The following TEKT5 variants were observed in gnomAD, a reference collection of about 807,000 sequenced individuals.
The protein encoded by TEKT5 is tektin-5.
In TEKT5, 52 loss-of-function variants were observed where a neutral mutation model predicts 48.7. The ratio of observed to expected loss-of-function variants is 1.07; its 90% CI spans 0.86 to 1.35. The LOEUF (loss-of-function observed/expected upper bound fraction) is 1.35, where lower values mean the gene tolerates loss of function less well. Ranked by LOEUF, TEKT5 falls within the 40% of genes most tolerant of loss-of-function variation. The pLI is 0.00. For missense variants in TEKT5, 831 were observed against 641.6 expected, an observed-to-expected ratio of 1.30 and a Z score of -3.19; for synonymous variants, 318 against 267.6, an observed-to-expected ratio of 1.19 and a Z score of -1.84.
At chr16:10,691,089 A>T (rs566769172) in intron 1 of TEKT5, among the ~76,000 whole-genome samples, 1 of 152,208 alleles carries the variant, frequency 6.6e-6, no homozygotes, top group Non-Finnish European at 1.5e-5. Flanking sequence ...CATGCCTTTA[A>T]TCTCAACACT....
intron 3 of TEKT5, among the ~76,000 whole-genome samples, chr16:10,688,583 A>G (rs905095159): frequency 2.0e-5 from 3 of 152,138 alleles, no homozygotes; most frequent in African/African-American, 7.2e-5. Context: ...CGTGCCCTGA[A>G]AGAGTCAAAG....
intron 5 of TEKT5, among the ~76,000 whole-genome samples, chr16:10,668,450 G>A (rs754124224): frequency 2.0e-5 from 3 of 152,206 alleles, no homozygotes; most frequent in African/African-American, 7.2e-5. Context: ...GAAACCAGCC[G>A]TCAGTAGCTT....
intron 3 of TEKT5, among the ~76,000 whole-genome samples, chr16:10,686,904 T>TA (rs1212764800): frequency 6.6e-6 from 1 of 152,088 alleles, no homozygotes. Context: ...TACTCAGCCT[T>TA]AAAAAAAGAA....
At chr16:10,629,909 C>T (rs1283251380) in intron 6 of TEKT5, among the ~76,000 whole-genome samples, 2 of 152,192 alleles carry the variant, frequency 1.3e-5, no homozygotes, top group Admixed American at 6.5e-5. Flanking sequence ...TGAGGCTTTG[C>T]TTATCTAGAA....
At chr16:10,646,367 A>G (rs1023242276) in intron 5 of TEKT5, among the ~76,000 whole-genome samples, 3 of 152,134 alleles carry the variant, frequency 2.0e-5, no homozygotes, top group African/African-American at 7.2e-5. Context: ...AATCCTGCCC[A>G]TCTCGGATTT....
chr16:10,627,600 G>C lies in TEKT5; in HGVS notation c.1441C>G (p.Leu481Val), dbSNP rs367721878. ...MRKTFPCTPRLVGHT is the reference protein window; with the variant it reads ...MRKTFPCTPRVVGHT Reference sequence around the variant, plus strand: ...GGCGGTGCTCAGGTGTGGCCCACCAGGCGCGGGGTGCAGGGGAAGGTCTTA... The same window carrying C: ...GGCGGTGCTCAGGTGTGGCCCACCACGCGCGGGGTGCAGGGGAAGGTCTTA... The change falls in exon 7 of 7, where the codon CTG (leucine) becomes GTG (valine). Residue 481 changes from leucine (L) to valine (V), a missense_variant. Coordinates refer to ENST00000283025, the MANE Select transcript of TEKT5 (RefSeq NM_144674.2). 2.2e-5 allele frequency: 35 copies of C among 1,614,180 alleles called. No homozygotes were observed. In the African/African-American group the frequency reaches 3.9e-4, roughly 18 times the overall value.
At chr16:10,635,974 C>T in intron 5 of TEKT5, 56 bp from the exon 6 acceptor site, 2 of 1,587,850 alleles carry the variant, frequency 1.3e-6, no homozygotes. Context: ...CCTCCTCTGA[C>T]TGGGGGCCTG....
At chr16:10,631,811 G>T (rs937508064) in intron 6 of TEKT5, among the ~76,000 whole-genome samples, 6 of 152,194 alleles carry the variant, frequency 3.9e-5, no homozygotes, top group Non-Finnish European at 8.8e-5. Flanking sequence ...AGAGTGGAAG[G>T]GAACAGAGCC....
At chr16:10,664,883 T>C (rs778433751) in intron 5 of TEKT5, among the ~76,000 whole-genome samples, 5 of 152,212 alleles carry the variant, frequency 3.3e-5, no homozygotes, top group Non-Finnish European at 7.3e-5. Context: ...ATAGTCATTA[T>C]CACTAAGGGA....
chr16:10,656,841 A>G (rs35322926), intron 5 of TEKT5, among the ~76,000 whole-genome samples: 16,353 of 152,040 alleles, frequency 0.11, 1,589 homozygotes, highest in African/African-American at 0.26. Flanking sequence ...CCTGGGCTCA[A>G]GTGACCCTCC....
intron 5 of TEKT5, among the ~76,000 whole-genome samples, chr16:10,642,983 C>T (rs1898016492): frequency 6.6e-6 from 1 of 152,128 alleles, no homozygotes. Flanking sequence ...GTGGATGTTC[C>T]CAACACAAAG....
At chr16:10,642,488 C>A (rs993145328) in intron 5 of TEKT5, among the ~76,000 whole-genome samples, 2 of 152,242 alleles carry the variant, frequency 1.3e-5, no homozygotes, top group East Asian at 3.9e-4. Context: ...AACAAAGGCT[C>A]CTGCCCACGT....
chr16:10,658,410 A>C (rs1898300567), intron 5 of TEKT5, among the ~76,000 whole-genome samples: 2 of 152,254 alleles, frequency 1.3e-5, no homozygotes, highest in Admixed American at 1.3e-4. Flanking sequence ...TCCAGCGGTA[A>C]AAAACAACTT....
At position 10,653,402 on chromosome 16, in the gene TEKT5, C is replaced by T. The variant is rs1339341996; in HGVS notation, c.1087-17484G>A. Among the ~76,000 whole-genome samples the T allele has an allele frequency of 2.6e-5, 4 of 152,338 alleles. No homozygotes were observed. In the East Asian group the frequency reaches 5.8e-4, roughly 22 times the overall value. On this transcript the variant is annotated intron_variant, in intron 5 of 6. Coordinates refer to ENST00000283025, the MANE Select transcript of TEKT5 (RefSeq NM_144674.2). ...TGGGGAGCAGGAGTCCTAAGCCTCC[C>T]ATGTGCTGTACACCTGGGGACAGGT...
chr16:10,665,467 G>C (rs1462092230), intron 5 of TEKT5, among the ~76,000 whole-genome samples: 1 of 152,166 alleles, frequency 6.6e-6, no homozygotes, highest in Non-Finnish European at 1.5e-5. Context: ...AGTCTCGTTT[G>C]TGCTGCCCTC....
chr16:10,678,279 T>A (rs2017168), intron 4 of TEKT5, among the ~76,000 whole-genome samples: 75,851 of 151,326 alleles, frequency 0.5, 20,679 homozygotes, highest in East Asian at 0.81. Flanking sequence ...TTGCATTTTT[T>A]GTAGAGACGG....
At chr16:10,632,869 GACACAC>G (rs35503579) in intron 6 of TEKT5, among the ~76,000 whole-genome samples, 15,868 of 131,710 alleles carry the variant, frequency 0.12, 1,084 homozygotes, top group African/African-American at 0.2. Flanking sequence ...CACAGATGCA[GACACAC>G]ACACACACAC....
At position 10,654,573 on chromosome 16, in the gene TEKT5, G is replaced by C. The variant is rs111293652; in HGVS notation, c.1087-18655C>G. On this transcript the variant is annotated intron_variant, in intron 5 of 6. Transcript: ENST00000283025. ...GGTCCGAACAGAACAAAAAGGCAGA[G>C]GAAGGGTGAATTCGCTCTCTCTGCT... Among the ~76,000 whole-genome samples the C allele has an allele frequency of 6.4e-4, 98 of 152,330 alleles. 1 individual carries two copies. The highest frequency in any genetic ancestry group is 3.4e-3 in the Middle Eastern group (1 of 294).
intron 5 of TEKT5, among the ~76,000 whole-genome samples, chr16:10,653,434 A>T (rs1898203679): frequency 6.6e-6 from 1 of 152,118 alleles, no homozygotes. Flanking sequence ...AGGTTACTTC[A>T]CCTTCCTGAG....
Sources: allele counts gnomAD v4.1 joint callset (sites outside exome capture counted in the v4.1 genomes callset), GRCh38; gene constraint gnomAD v4.1.1; transcripts MANE v1.5; gene names NCBI Gene and HGNC (gene_info 2026-07-23, HGNC 2026-07-21).